IQCM: variants seen among roughly 807,000 people sequenced by gnomAD.
IQCM encodes the protein IQ motif containing M.
A neutral mutation model predicts 57.6 loss-of-function variants in IQCM; 45 were observed. That is an observed-to-expected ratio of 0.78 (90% CI 0.62 to 1.00). The LOEUF is 1.00. Among genes scored for constraint, IQCM ranks in the 50% least tolerant of loss-of-function variants. IQCM has a pLI of 0.00. For synonymous variants in IQCM, 148 were observed against 158.9 expected, an observed-to-expected ratio of 0.93 and a Z score of 0.51; for missense variants, 468 against 511.6, an observed-to-expected ratio of 0.91 and a Z score of 0.82.
At chr4:149,510,883 T>A (rs1744336192) in intron 12 of IQCM, among the ~76,000 whole-genome samples, 1 of 152,208 alleles carries the variant, frequency 6.6e-6, no homozygotes, top group Non-Finnish European at 1.5e-5. Flanking sequence ...CCTTGATCAT[T>A]TAGCCAGGTT....
At chr4:149,444,905 G>A (rs1736340712) in intron 12 of IQCM, among the ~76,000 whole-genome samples, 1 of 151,890 alleles carries the variant, frequency 6.6e-6, no homozygotes, top group South Asian at 2.1e-4. Context: ...AAGAAGAAAA[G>A]ATGGTTGACT....
intron 12 of IQCM, among the ~76,000 whole-genome samples, chr4:149,477,218 T>C (rs1026367770): frequency 6.6e-6 from 1 of 152,180 alleles, no homozygotes; most frequent in Non-Finnish European, 1.5e-5. Flanking sequence ...GATAAATCAA[T>C]TGATGATGTT....
chr4:149,417,028 G>T (rs990070637), intron 13 of IQCM, among the ~76,000 whole-genome samples: 1 of 152,086 alleles, frequency 6.6e-6, no homozygotes, highest in Non-Finnish European at 1.5e-5. Context: ...TGAGGGAAAA[G>T]ATTTAGACCT....
intron 2 of IQCM, among the ~76,000 whole-genome samples, chr4:149,798,928 C>T (rs1036478895): frequency 6.6e-6 from 1 of 151,768 alleles, no homozygotes; most frequent in Non-Finnish European, 1.5e-5. Context: ...AGACTATCCA[C>T]ACAGGAAATC....
intron 13 of IQCM, among the ~76,000 whole-genome samples, chr4:149,415,062 A>G (rs369565588): frequency 6.6e-6 from 1 of 152,220 alleles, no homozygotes; most frequent in Non-Finnish European, 1.5e-5. Flanking sequence ...CTGAAAATAA[A>G]CTCACTTTAT....
chr4:149,668,795 T>C (rs1760972164), intron 7 of IQCM, among the ~76,000 whole-genome samples: 1 of 152,036 alleles, frequency 6.6e-6, no homozygotes, highest in Non-Finnish European at 1.5e-5. Flanking sequence ...TACATAGCAA[T>C]GTGATATAGA....
At chr4:149,741,638 C>G (rs1409725220) in intron 3 of IQCM, among the ~76,000 whole-genome samples, 4 of 152,178 alleles carry the variant, frequency 2.6e-5, no homozygotes, top group Non-Finnish European at 5.9e-5. Flanking sequence ...TCAGGGGTAA[C>G]AGGAGCCAAG....
intron 2 of IQCM, among the ~76,000 whole-genome samples, chr4:149,747,278 C>A (rs995838247): frequency 3.3e-4 from 50 of 152,270 alleles, no homozygotes; most frequent in African/African-American, 1.1e-3. Context: ...GGTATACAGT[C>A]ATTGCTCTGT....
At position 149,467,730 on chromosome 4, in the gene IQCM, C is replaced by A. The variant is rs539411777; in HGVS notation, c.1229-34173G>T. Among the ~76,000 whole-genome samples, 22 of 152,224 alleles carry A rather than the reference C, an allele frequency of 1.4e-4. No individual in the cohort carries two copies. In the East Asian group the frequency reaches 1.7e-3, roughly 12 times the overall value. Reference sequence around the variant, plus strand: ...TCCAGAAAAGTCTGTCTGATAGGAGCTGTGGGTTTTAGTAGAGCAATGCAG... The same window carrying A: ...TCCAGAAAAGTCTGTCTGATAGGAGATGTGGGTTTTAGTAGAGCAATGCAG... On this transcript the variant is annotated intron_variant, in intron 12 of 13. Coordinates refer to ENST00000636793, the MANE Select transcript of IQCM (RefSeq NM_001363507.2).
intron 8 of IQCM, among the ~76,000 whole-genome samples, chr4:149,604,006 AT>A (rs1754556139): frequency 6.6e-6 from 1 of 152,100 alleles, no homozygotes. Flanking sequence ...CAAGTCTACA[AT>A]TCTAAGACTC....
At chr4:149,414,444 A>G (rs1215463521) in intron 13 of IQCM, among the ~76,000 whole-genome samples, 1 of 152,156 alleles carries the variant, frequency 6.6e-6, no homozygotes, top group Admixed American at 6.5e-5. Flanking sequence ...TGGTACATTC[A>G]TTTGAGTCCC....
chr4:149,810,713 T>C (rs199904169), intron 2 of IQCM, among the ~76,000 whole-genome samples: 1 of 151,964 alleles, frequency 6.6e-6, no homozygotes, highest in Non-Finnish European at 1.5e-5. Context: ...GCCTCCCAAA[T>C]TGCTGGGATT....
At chr4:149,354,588 T>A (rs1403460780) in intron 13 of IQCM, among the ~76,000 whole-genome samples, 1 of 151,788 alleles carries the variant, frequency 6.6e-6, no homozygotes, top group Non-Finnish European at 1.5e-5. Flanking sequence ...TCTTTGATAA[T>A]ACCAAGCATA....
chr4:149,626,430 A>AATCTTTT (rs368164851), intron 7 of IQCM, among the ~76,000 whole-genome samples: 1 of 141,276 alleles, frequency 7.1e-6, no homozygotes, highest in Admixed American at 7.2e-5. Context: ...AAGACATACT[A>AATCTTTT]TTTTGCTATC....
intron 12 of IQCM, among the ~76,000 whole-genome samples, chr4:149,443,962 A>G (rs562996722): frequency 6.6e-6 from 1 of 151,994 alleles, no homozygotes; most frequent in Admixed American, 6.6e-5. Context: ...AGTAGGGGAG[A>G]TTGATAATTC....
chr4:149,748,965 C>A (rs1332361015), intron 2 of IQCM, among the ~76,000 whole-genome samples: 2 of 152,102 alleles, frequency 1.3e-5, no homozygotes, highest in Non-Finnish European at 2.9e-5. Context: ...GGGAAAGAAG[C>A]ATGTGAAAAG....
chr4:149,790,127 T>A, intron 2 of IQCM: 1 of 660,104 alleles, frequency 1.5e-6, no homozygotes, highest in Non-Finnish European at 2.4e-6. Flanking sequence ...ATTTACTCTA[T>A]GGCAGGTTGG....
intron 13 of IQCM, among the ~76,000 whole-genome samples, chr4:149,388,540 ATATATAAT>A: frequency 7.5e-6 from 1 of 133,458 alleles, no homozygotes; most frequent in African/African-American, 2.7e-5. Flanking sequence ...ATTATATATT[ATATATAAT>A]ATATATAATA....
At chr4:149,760,700 A>G (rs990563981) in intron 2 of IQCM, among the ~76,000 whole-genome samples, 1 of 152,098 alleles carries the variant, frequency 6.6e-6, no homozygotes, top group African/African-American at 2.4e-5. Flanking sequence ...TCATTTACTT[A>G]TATTTGACAT....
Sources: allele counts gnomAD v4.1 joint callset (sites outside exome capture counted in the v4.1 genomes callset), GRCh38; gene constraint gnomAD v4.1.1; transcripts MANE v1.5; gene names NCBI Gene and HGNC (gene_info 2026-07-23, HGNC 2026-07-21).